Variants in TKFC observed in about 807,000 individuals in gnomAD.
TKFC encodes the protein triokinase and FMN cyclase.
A neutral mutation model predicts 61.0 loss-of-function variants in TKFC; 46 were observed. The ratio of observed to expected loss-of-function variants is 0.75; its 90% CI spans 0.60 to 0.96. The LOEUF is 0.96. Ranked by LOEUF, TKFC falls within the 50% of genes least tolerant of loss-of-function variation. The pLI is 0.00. For missense variants in TKFC, 715 were observed against 777.5 expected (o/e 0.92, Z 0.96); for synonymous variants, 314 against 330.1 (o/e 0.95, Z 0.53).
At chr11:61,343,656 G>A in intron 11 of TKFC, 198 bp downstream of exon 11, 3 of 913,368 alleles carry the variant, frequency 3.3e-6, no homozygotes, top group East Asian at 4.9e-5. Context: ...CCTCCTCAGA[G>A]AGGCCTGACC....
intron 5 of TKFC, among the ~76,000 whole-genome samples, chr11:61,340,328 T>TATGGTC (rs774804590): frequency 1.0e-4 from 4 of 38,112 alleles, no homozygotes; most frequent in African/African-American, 4.1e-4. Context: ...GCCTTCCTCT[T>TATGGTC]TTTTTTTTTT....
Position 61,339,357 on chromosome 11 carries a change from G to T in TKFC, c.408G>T (p.Val136=). 6.2e-7 allele frequency: 1 copy of T among 1,613,734 alleles called. No homozygotes were observed. The highest frequency in any genetic ancestry group is 8.5e-7 in the Non-Finnish European group (1 of 1,180,032). The change falls in exon 5 of 18, where the codon GTG becomes GTT. Residue 136 remains valine, a synonymous_variant. Transcript: ENST00000394900. ...AAGGCATCCCGGTGGAGATGGTGGT[G>T]ATTGGGGACGACAGCGCCTTCACTG... ...RAEGIPVEMV[V]IGDDSAFTVL... is the part of the protein sequence containing the mutation.
downstream of TKFC, chr11:61,351,149 T>C: frequency 6.2e-7 from 1 of 1,606,094 alleles, no homozygotes; most frequent in Non-Finnish European, 8.5e-7. Flanking sequence ...GTGTTTTTCC[T>C]GAAGATGACA....
rs771832527 is a variant in TKFC at position 61,344,320 on chromosome 11, GC to G, written c.1240+53del. 3.2e-6 allele frequency: 5 copies of G among 1,567,994 alleles called. No individual in the cohort carries two copies. In the Admixed American group the frequency reaches 7.2e-5, roughly 23 times the overall value. On this transcript the variant is annotated intron_variant, in intron 13 of 17. Coordinates refer to ENST00000394900, the MANE Select transcript of TKFC (RefSeq NM_015533.4). ...AAGTGAGGTCATTCACAAAACCTTAGCCCCCCTTCCACTTGTTTCCCTGAAG... is the reference window on the plus strand; with the variant it reads ...AAGTGAGGTCATTCACAAAACCTTAGCCCCCTTCCACTTGTTTCCCTGAAG...
In TKFC at chr11:61,342,469, G is replaced by A. The variant is rs144229048; in HGVS notation, c.664G>A (p.Gly222Arg). 2.6e-4 allele frequency: 415 copies of A among 1,614,072 alleles called. No individual in the cohort carries two copies. The highest frequency in any genetic ancestry group is 3.3e-4 in the Middle Eastern group (2 of 6,062). The change falls in exon 8 of 18, where the codon GGG becomes AGG. Residue 222 changes from glycine to arginine, a missense_variant. Gly to Arg is a moderately radical substitution (Grantham distance 125). Coordinates refer to ENST00000394900, the MANE Select transcript of TKFC (RefSeq NM_015533.4). ...ACCACATCTATCCGCAGGGATCCACGGGGAAGCTGGTGTGCGCCGGATAAA... is the reference window on the plus strand; with the variant it reads ...ACCACATCTATCCGCAGGGATCCACAGGGAAGCTGGTGTGCGCCGGATAAA... ...DEVELGLGIH[G>R]EAGVRRIKMA...
downstream of TKFC, chr11:61,351,041 G>A (rs749343023): frequency 1.2e-6 from 2 of 1,614,050 alleles, no homozygotes; most frequent in South Asian, 2.2e-5. Context: ...GATGAAGCCA[G>A]AAGGATGTAG....
downstream of TKFC, chr11:61,351,836 T>C (rs1857424912): frequency 6.6e-6 from 1 of 152,130 alleles, no homozygotes; most frequent in Admixed American, 6.5e-5. Flanking sequence ...ATCGCTTGAG[T>C]GCAGGAGTTT....
chr11:61,341,600 G>T, intron 6 of TKFC, 86 bp downstream of exon 6: 1 of 1,447,494 alleles, frequency 6.9e-7, no homozygotes. Context: ...TGGCTGCCTA[G>T]CGGTGCTCCC....
chr11:61,347,226 C>CT lies in TKFC; in HGVS notation c.*724dup, dbSNP rs1857172685. ...CAGAAGGAAAAGAAATCATCATAGT[C>CT]TAAGGTTCAGTTGTAGATCAAAAAA... On this transcript the variant is annotated 3_prime_UTR_variant, in exon 18 of 18. Coordinates refer to ENST00000394900, the MANE Select transcript of TKFC (RefSeq NM_015533.4). 2 of 985,304 alleles carry CT rather than the reference C, an allele frequency of 2.0e-6. No individual in the cohort carries two copies. Among genetic ancestry groups the CT allele is most frequent in the Admixed American group, 1.2e-4 (2 of 16,264 alleles). The allele number at this position is 985,304 out of a possible 1,614,324, so 61.0% of individuals were successfully genotyped here.
At chr11:61,349,915 C>T, downstream of TKFC, 1 of 509,464 alleles carries the variant, frequency 2.0e-6, no homozygotes, top group African/African-American at 1.9e-5. Flanking sequence ...CCTCATGTTT[C>T]ACACCGTGGA....
At position 61,342,741 on chromosome 11, in the gene TKFC, A is replaced by G. The variant is rs377730092; in HGVS notation, c.776-14A>G. Reference sequence around the variant, plus strand: ...CCCAGAGGGTCTCACCTGGGGTGTCATGTCTACCCGCAGGCTCCTCAGTTG... The same window carrying G: ...CCCAGAGGGTCTCACCTGGGGTGTCGTGTCTACCCGCAGGCTCCTCAGTTG... On this transcript the variant is annotated splice_polypyrimidine_tract_variant and intron_variant, in intron 9 of 17. Transcript: ENST00000394900. 1.2e-6 allele frequency: 2 copies of G among 1,613,940 alleles called. No homozygotes were observed. The highest frequency in any genetic ancestry group is 8.5e-7 in the Non-Finnish European group (1 of 1,179,978).
chr11:61,343,754 G>A (rs934537991), intron 11 of TKFC, 102 bp from the exon 12 acceptor site: 7 of 1,508,146 alleles, frequency 4.6e-6, no homozygotes, highest in Admixed American at 3.8e-5. Context: ...CTCCAGGGCT[G>A]CTGAGAAAGC....
rs909621102 is a variant in TKFC at position 61,341,970 on chromosome 11, A to T, written c.655+58A>T. On this transcript the variant is annotated intron_variant, in intron 7 of 17. Coordinates refer to ENST00000394900, the MANE Select transcript of TKFC (RefSeq NM_015533.4). ...TGCTCCTTGGCCCTGGACTTTGCCC[A>T]CCTTGCATACCCTTAGAGCCATCAA... is the stretch of plus-strand genomic sequence containing the variant. 24 of 1,504,012 alleles carry T rather than the reference A, an allele frequency of 1.6e-5. 1 individual carries two copies. The South Asian group carries it at 2.9e-4, about 18-fold the overall frequency. 93.2% of individuals were successfully genotyped at this position (1,504,012 alleles called of 1,614,324 possible). A position where few individuals can be genotyped will look rare whatever the true frequency, so the allele number is the denominator to read the frequency against.
intron 10 of TKFC, 69 bp from the exon 11 acceptor site, chr11:61,343,273 G>T (rs1462839409): frequency 9.6e-6 from 14 of 1,457,100 alleles, no homozygotes; most frequent in Non-Finnish European, 1.3e-5. Context: ...CAAGGTCCTT[G>T]CTTTTCTGTT....
At position 61,347,643 on chromosome 11, in the gene TKFC, T is replaced by C. The variant is rs1306304888; in HGVS notation, c.*1140T>C. ...AGGGTGAGCAGGGGCACTGTATGCA[T>C]GTGGAGACAAACAGCACATGCCTGG... is the stretch of plus-strand genomic sequence containing the variant. On this transcript the variant is annotated 3_prime_UTR_variant, in exon 18 of 18. Coordinates refer to ENST00000394900, the MANE Select transcript of TKFC (RefSeq NM_015533.4). The C allele has an allele frequency of 1.0e-6, 1 of 985,112 alleles. No homozygotes were observed. Among genetic ancestry groups the C allele is most frequent in the East Asian group, 1.1e-4 (1 of 8,814 alleles). 61.0% of individuals were successfully genotyped at this position (985,112 alleles called of 1,614,324 possible).
downstream of TKFC, chr11:61,352,701 A>C (rs903577131): frequency 1.2e-6 from 1 of 834,398 alleles, no homozygotes; most frequent in African/African-American, 1.8e-5. Flanking sequence ...CAACAATACC[A>C]ATCAATACCA....
downstream of TKFC, chr11:61,353,311 C>T: frequency 1.2e-6 from 1 of 806,356 alleles, no homozygotes. Flanking sequence ...GCCTATTACC[C>T]AAGCAACAAG....
In TKFC at chr11:61,341,870, C is replaced by T; in HGVS notation, c.613C>T (p.Pro205Ser). ...LSSCSVPGSK[P>S]TFELSADEVE... The stretch of plus-strand genomic sequence containing the variant: ...CTCCTGCAGCGTCCCTGGTTCCAAA[C>T]CCACCTTCGAGCTCTCAGCCGACGA... The change falls in exon 7 of 18, where the codon CCC becomes TCC. Residue 205 changes from proline (P) to serine (S), a missense_variant. Coordinates refer to ENST00000394900, the MANE Select transcript of TKFC (RefSeq NM_015533.4). 1 of 1,613,906 alleles carries T rather than the reference C, an allele frequency of 6.2e-7. No individual in the cohort carries two copies.
intron 10 of TKFC, chr11:61,343,048 C>T (rs555493499): frequency 1.3e-5 from 8 of 629,728 alleles, no homozygotes; most frequent in South Asian, 5.8e-5. Flanking sequence ...TGCTTTATAC[C>T]GTTGTTTTGA....
Sources: gnomAD v4.1 joint callset for allele counts (sites outside exome capture counted in the v4.1 genomes callset) on GRCh38, gnomAD v4.1.1 for gene constraint, MANE v1.5 for transcripts, NCBI Gene and HGNC (gene_info 2026-07-23, HGNC 2026-07-21) for gene names.